The following C11orf65 variants were observed in gnomAD, a reference collection of about 807,000 sequenced individuals.
The protein encoded by C11orf65 is protein MFI.
In C11orf65, 38 loss-of-function variants were observed where a neutral mutation model predicts 35.3. That is an observed-to-expected ratio of 1.08 (90% CI 0.83 to 1.41). C11orf65 has a LOEUF of 1.41. Ranked by LOEUF, C11orf65 falls within the 40% of genes most tolerant of loss-of-function variation. The pLI is 0.00. For missense variants in C11orf65, 370 were observed against 367.1 expected, an observed-to-expected ratio of 1.01 and a Z score of -0.06; for synonymous variants, 105 against 114.4, an observed-to-expected ratio of 0.92 and a Z score of 0.53.
chr11:108,442,882 C>G (rs1050739433), intron 2 of C11orf65, among the ~76,000 whole-genome samples: 6 of 152,026 alleles, frequency 3.9e-5, no homozygotes, highest in Non-Finnish European at 8.8e-5. Context: ...TTGTAAAGAC[C>G]ATCGATGCTA....
At chr11:108,389,365 C>T (rs182047684) in intron 7 of C11orf65, among the ~76,000 whole-genome samples, 3 of 152,302 alleles carry the variant, frequency 2.0e-5, no homozygotes, top group Admixed American at 6.5e-5. Context: ...CTGAGATAAT[C>T]AGTGCTTGTG....
chr11:108,335,782 T>C (rs1259105687), intron 2 of C11orf65: 5 of 1,349,234 alleles, frequency 3.7e-6, no homozygotes, highest in Non-Finnish European at 5.3e-6. Flanking sequence ...TATTCTCAGA[T>C]GACTCTGTGT....
intron 2 of C11orf65, among the ~76,000 whole-genome samples, chr11:108,439,528 A>C (rs1318996860): frequency 6.6e-6 from 1 of 152,224 alleles, no homozygotes; most frequent in Non-Finnish European, 1.5e-5. Context: ...ACATCAATTT[A>C]TTAGCAGCAT....
rs1183350500 is a variant in C11orf65, at chr11:108,331,956, T to C, written c.300-389A>G. ...TGGCCTTAGCAAATGCAAACAGAGATGAATTTCTGACTAAACCAGAGGTAG... is the reference window on the plus strand; with the variant it reads ...TGGCCTTAGCAAATGCAAACAGAGACGAATTTCTGACTAAACCAGAGGTAG... On this transcript the variant is annotated intron_variant, in intron 3 of 3. Coordinates refer to the C11orf65 transcript ENST00000524755. 6.2e-7 allele frequency: 1 copy of C among 1,613,912 alleles called. No homozygotes were observed. Among genetic ancestry groups the C allele is most frequent in the African/African-American group, 1.3e-5 (1 of 74,924 alleles).
intron 2 of C11orf65, among the ~76,000 whole-genome samples, chr11:108,361,162 CAG>C (rs1172993451): frequency 7.7e-6 from 1 of 129,708 alleles, no homozygotes; most frequent in Non-Finnish European, 1.6e-5. Flanking sequence ...AACAGACAAA[CAG>C]AGAGCCAAAT....
intron 6 of C11orf65, among the ~76,000 whole-genome samples, chr11:108,404,163 T>C (rs7943165): frequency 0.54 from 81,717 of 151,890 alleles, 22,568 homozygotes; most frequent in Middle Eastern, 0.74. Context: ...ATCTTTTCTT[T>C]CAGGCACAAT....
chr11:108,444,114 G>A (rs59499050), intron 2 of C11orf65, among the ~76,000 whole-genome samples: 1,897 of 151,796 alleles, frequency 0.012, 49 homozygotes, highest in African/African-American at 0.042. Context: ...TCAAATAGAC[G>A]CAATAAAAAA....
chr11:108,327,664 T>C (rs4988111), downstream of C11orf65: 1,794 of 1,613,908 alleles, frequency 1.1e-3, 23 homozygotes, highest in African/African-American at 0.021. Flanking sequence ...AGCCTAAAAC[T>C]TACATACACA....
At chr11:108,433,536 CGCCACT>C (rs993809437) in intron 2 of C11orf65, among the ~76,000 whole-genome samples, 4 of 151,998 alleles carry the variant, frequency 2.6e-5, no homozygotes, top group African/African-American at 7.2e-5. Flanking sequence ...GCAGAGATCA[CGCCACT>C]GCACTCCAGC....
At chr11:108,332,681 TTTTCTC>T (rs1457936705) in intron 3 of C11orf65, 1 of 1,457,504 alleles carries the variant, frequency 6.9e-7, no homozygotes, top group African/African-American at 1.4e-5. Context: ...TAAATTCTGT[TTTTCTC>T]TTTGTTTTTC....
chr11:108,467,218 C>T (rs1203746008), intron 1 of C11orf65, among the ~76,000 whole-genome samples: 2 of 152,032 alleles, frequency 1.3e-5, no homozygotes, highest in Non-Finnish European at 2.9e-5. Flanking sequence ...ACCAGCCCGA[C>T]GCAACTTCAC....
chr11:108,328,572 C>T (rs1340012349), downstream of C11orf65, among the ~76,000 whole-genome samples: 2 of 152,128 alleles, frequency 1.3e-5, no homozygotes, highest in Non-Finnish European at 2.9e-5. Context: ...TTATAAAGTT[C>T]TCTGTTTTTG....
intron 6 of C11orf65, among the ~76,000 whole-genome samples, chr11:108,312,694 A>G (rs56143360): frequency 2.6e-4 from 40 of 151,932 alleles, no homozygotes; most frequent in African/African-American, 9.2e-4. Context: ...TGACTCTGCC[A>G]CTTCTTGAGT....
intron 2 of C11orf65, among the ~76,000 whole-genome samples, chr11:108,450,297 G>A (rs549955969): frequency 3.3e-5 from 5 of 151,760 alleles, no homozygotes; most frequent in African/African-American, 1.2e-4. Flanking sequence ...ACACCCAAAG[G>A]ATTATAAATA....
intron 2 of C11orf65, chr11:108,366,489 A>G (rs555360537): frequency 4.4e-6 from 1 of 225,796 alleles, no homozygotes; most frequent in African/African-American, 2.2e-5. Context: ...CCTGCTGTTT[A>G]TATCTGTTGA....
rs140263600 is a variant in C11orf65 at position 108,344,130 on chromosome 11, C to G, written c.227-8838G>C. Among the ~76,000 whole-genome samples, 293 of 152,226 alleles carry G rather than the reference C, an allele frequency of 1.9e-3. 1 individual carries two copies. The highest frequency in any genetic ancestry group is 3.4e-3 in the Non-Finnish European group (233 of 67,994). ...TTTATTGTTCATTTTATTGTGCTTT[C>G]TGTGACATGTTTTTTAAAATGTGTG... On this transcript the variant is annotated intron_variant, in intron 2 of 3. Coordinates refer to the C11orf65 transcript ENST00000524755.
intron 6 of C11orf65, among the ~76,000 whole-genome samples, chr11:108,317,947 T>C (rs1175026558): frequency 1.3e-5 from 2 of 152,104 alleles, no homozygotes; most frequent in African/African-American, 2.4e-5. Context: ...CCAAGAAAAG[T>C]ATAGGCATTC....
At chr11:108,353,978 G>C in intron 2 of C11orf65, 1 of 1,172,184 alleles carries the variant, frequency 8.5e-7, no homozygotes, top group Non-Finnish European at 1.3e-6. Context: ...CTGCTCAAGA[G>C]GCTGAAGTGG....
At chr11:108,416,539 C>T (rs545045897) in intron 3 of C11orf65, among the ~76,000 whole-genome samples, 22 of 151,982 alleles carry the variant, frequency 1.4e-4, no homozygotes, top group African/African-American at 4.6e-4. Context: ...AAAAATTAGA[C>T]GGGCGTGATG....
Sources: allele counts gnomAD v4.1 joint callset (sites outside exome capture counted in the v4.1 genomes callset), GRCh38; gene constraint gnomAD v4.1.1; transcripts MANE v1.5; gene names NCBI Gene and HGNC (gene_info 2026-07-23, HGNC 2026-07-21).